DTWD2: variants seen among roughly 807,000 people sequenced by gnomAD.
DTWD2 encodes the protein DTW motif tRNA-uridine aminocarboxypropyltransferase 2.
DTWD2 carries 39 observed loss-of-function variants against 31.8 expected under a neutral mutation model. The ratio of observed to expected loss-of-function variants is 1.22; its 90% CI spans 0.95 to 1.60. The LOEUF is 1.60. Ranked by LOEUF, DTWD2 falls within the 40% of genes most tolerant of loss-of-function variation. The pLI is 0.00. For missense variants in DTWD2, 515 were observed against 381.5 expected, an observed-to-expected ratio of 1.35 and a Z score of -2.92; for synonymous variants, 180 against 142.8, an observed-to-expected ratio of 1.26 and a Z score of -1.86.
At position 118,841,082 on chromosome 5, in the gene DTWD2, C is replaced by A; in HGVS notation, c.732G>T (p.Leu244Phe). 6.2e-7 allele frequency: 1 copy of A among 1,608,154 alleles called. No homozygotes were observed. Among genetic ancestry groups the A allele is most frequent in the Non-Finnish European group, 8.5e-7 (1 of 1,176,862 alleles). The change falls in exon 6 of 6, where the codon TTG becomes TTT. Residue 244 changes from leucine to phenylalanine, a missense_variant. Leu to Phe is a conservative substitution (Grantham distance 22, BLOSUM62 0). Transcript: ENST00000510708. ...AGCATAAAGCTTGAAGAGGGCGAAGCAAAGTCTGTCAAGAGAAAAAAGACA... is the reference window on the plus strand; with the variant it reads ...AGCATAAAGCTTGAAGAGGGCGAAGAAAAGTCTGTCAAGAGAAAAAAGACA... ...LEKNNYIQET[L>F]LRPLQALCSF...
chr5:118,905,101 T>A (rs996296740), intron 4 of DTWD2, among the ~76,000 whole-genome samples: 8 of 152,150 alleles, frequency 5.3e-5, no homozygotes, highest in Admixed American at 4.6e-4. Context: ...TGTACATGTG[T>A]GGATATGTGT....
intron 4 of DTWD2, among the ~76,000 whole-genome samples, chr5:118,917,117 C>A (rs1167612741): frequency 3.9e-5 from 6 of 152,192 alleles, no homozygotes; most frequent in African/African-American, 7.2e-5. Context: ...TATAATTTGA[C>A]TACCAAACCA....
At chr5:118,841,198 T>C in intron 5 of DTWD2, 111 bp from the exon 6 acceptor site, 2 of 1,264,106 alleles carry the variant, frequency 1.6e-6, no homozygotes, top group Middle Eastern at 4.0e-4. Flanking sequence ...TATGATTGGC[T>C]TTTAACTATG....
chr5:118,938,397 A>G (rs566165512), intron 3 of DTWD2, among the ~76,000 whole-genome samples: 1 of 152,320 alleles, frequency 6.6e-6, no homozygotes, highest in South Asian at 2.1e-4. Context: ...CTTATATACT[A>G]GAGGCAAAAA....
chr5:118,911,729 T>G (rs1277783528), intron 4 of DTWD2, among the ~76,000 whole-genome samples: 1 of 152,228 alleles, frequency 6.6e-6, no homozygotes, highest in African/African-American at 2.4e-5. Context: ...TTCTGCCATT[T>G]GCGGCAAGCT....
At chr5:118,963,512 C>G (rs976396953) in intron 1 of DTWD2, among the ~76,000 whole-genome samples, 1 of 152,186 alleles carries the variant, frequency 6.6e-6, no homozygotes, top group Non-Finnish European at 1.5e-5. Flanking sequence ...ACAAAAGATT[C>G]TGAACTCCCT....
rs970637473 is a variant in DTWD2, at chr5:118,911,189, T to A, written c.597+17348A>T. Among the ~76,000 whole-genome samples, 4 of 152,208 alleles carry A rather than the reference T, an allele frequency of 2.6e-5. No homozygotes were observed. The East Asian group carries it at 7.7e-4, about 29-fold the overall frequency. On this transcript the variant is annotated intron_variant, in intron 4 of 5. Transcript: ENST00000510708. The stretch of plus-strand genomic sequence containing the variant: ...GACATTTCTCAAAAGAAGAAATTCA[T>A]GTAAGTACTACACACTAACTGATTG...
At position 118,931,980 on chromosome 5, in the gene DTWD2, G is replaced by A. The variant is rs117590925; in HGVS notation, c.405-3251C>T. 7.6e-4 allele frequency among the ~76,000 whole-genome samples: 115 copies of A among 152,182 alleles called. No homozygotes were observed. The East Asian group carries it at 0.013, about 17-fold the overall frequency. Reference sequence around the variant, plus strand: ...AACAACATACTTCTAAGTAAACCACGGGTCAAGAGATAAGTCCCAAGGGAA... The same window carrying A: ...AACAACATACTTCTAAGTAAACCACAGGTCAAGAGATAAGTCCCAAGGGAA... On this transcript the variant is annotated intron_variant, in intron 3 of 5. Transcript: ENST00000510708.
At chr5:118,860,647 C>T (rs1221730979) in intron 4 of DTWD2, among the ~76,000 whole-genome samples, 1 of 152,090 alleles carries the variant, frequency 6.6e-6, no homozygotes, top group Non-Finnish European at 1.5e-5. Flanking sequence ...CATGAAAGCA[C>T]AAGTTTCCCC....
At chr5:118,960,853 T>TATCATATTCTCACC (rs1222148195) in intron 1 of DTWD2, among the ~76,000 whole-genome samples, 5 of 152,104 alleles carry the variant, frequency 3.3e-5, no homozygotes, top group Non-Finnish European at 5.9e-5. Context: ...TATTCTCACT[T>TATCATATTCTCACC]ATCAGTGGGA....
chr5:118,911,243 T>G (rs952258258), intron 4 of DTWD2, among the ~76,000 whole-genome samples: 6 of 152,120 alleles, frequency 3.9e-5, no homozygotes, highest in Admixed American at 3.3e-4. Context: ...AAAGAAGAAA[T>G]TCAGATGGTC....
At chr5:118,899,798 T>C (rs1408401881) in intron 4 of DTWD2, among the ~76,000 whole-genome samples, 3 of 149,084 alleles carry the variant, frequency 2.0e-5, no homozygotes, top group East Asian at 3.9e-4. Context: ...CTTCGTTTTT[T>C]CTTTTTTTTT....
chr5:118,883,971 T>C (rs973771401), intron 4 of DTWD2, among the ~76,000 whole-genome samples: 3 of 152,202 alleles, frequency 2.0e-5, no homozygotes, highest in Non-Finnish European at 2.9e-5. Context: ...GACAGAATAG[T>C]GTAGTTCAAA....
At chr5:118,851,229 A>C (rs1013393160) in intron 4 of DTWD2, among the ~76,000 whole-genome samples, 1 of 151,676 alleles carries the variant, frequency 6.6e-6, no homozygotes, top group African/African-American at 2.4e-5. Flanking sequence ...AAAAAAAAAA[A>C]AAAAAAAAAG....
At chr5:118,903,146 T>C (rs1318334895) in intron 4 of DTWD2, among the ~76,000 whole-genome samples, 2 of 138,256 alleles carry the variant, frequency 1.4e-5, no homozygotes, top group African/African-American at 2.5e-5. Context: ...GCTAAAATGG[T>C]AAAAAAAAAA....
At chr5:118,852,653 G>C (rs927737356) in intron 4 of DTWD2, among the ~76,000 whole-genome samples, 7 of 152,094 alleles carry the variant, frequency 4.6e-5, no homozygotes, top group African/African-American at 1.7e-4. Flanking sequence ...TGTCGAAAGC[G>C]GTGTGGTGAT....
chr5:118,850,184 C>A (rs1751964431), intron 4 of DTWD2, among the ~76,000 whole-genome samples: 1 of 151,394 alleles, frequency 6.6e-6, no homozygotes, highest in South Asian at 2.1e-4. Flanking sequence ...TTCAAGATGG[C>A]CAGGTGGAGT....
At chr5:118,950,045 T>C (rs1310956129) in intron 1 of DTWD2, among the ~76,000 whole-genome samples, 2 of 151,490 alleles carry the variant, frequency 1.3e-5, no homozygotes, top group Non-Finnish European at 2.9e-5. Flanking sequence ...CCCGTCACTA[T>C]TAAAAATACA....
chr5:118,954,208 A>C (rs914311945), intron 1 of DTWD2, among the ~76,000 whole-genome samples: 1 of 152,192 alleles, frequency 6.6e-6, no homozygotes, highest in Non-Finnish European at 1.5e-5. Flanking sequence ...GTGTTTGAGG[A>C]TGCAGTGAGC....
Sources: allele counts gnomAD v4.1 joint callset (sites outside exome capture counted in the v4.1 genomes callset), GRCh38; gene constraint gnomAD v4.1.1; transcripts MANE v1.5; gene names NCBI Gene and HGNC (gene_info 2026-07-23, HGNC 2026-07-21).